SPATA13: variants seen among roughly 807,000 people sequenced by gnomAD.
SPATA13 encodes the protein spermatogenesis associated 13, also known as spermatogenesis-associated protein 13.
SPATA13 carries 50 observed loss-of-function variants against 104.0 expected under a neutral mutation model. That is an observed-to-expected ratio of 0.48 (90% CI 0.38 to 0.61). The LOEUF (loss-of-function observed/expected upper bound fraction) is 0.61, where lower values mean the gene tolerates loss of function less well. Among genes scored for constraint, SPATA13 ranks in the 20% least tolerant of loss-of-function variants. The pLI is 0.00. For synonymous variants in SPATA13, 606 were observed against 667.5 expected, an observed-to-expected ratio of 0.91 and a Z score of 1.42; for missense variants, 1,524 against 1,690.6, an observed-to-expected ratio of 0.90 and a Z score of 1.73.
At chr13:24,194,705 T>C (rs748710831) in intron 1 of SPATA13, among the ~76,000 whole-genome samples, 1 of 152,222 alleles carries the variant, frequency 6.6e-6, no homozygotes, top group Non-Finnish European at 1.5e-5. Flanking sequence ...GTTTATTCTA[T>C]GGCTGAATCA....
chr13:24,197,343 G>A (rs965930184), intron 1 of SPATA13, among the ~76,000 whole-genome samples: 1 of 152,212 alleles, frequency 6.6e-6, no homozygotes, highest in African/African-American at 2.4e-5. Context: ...CAGAATAAGT[G>A]TATCAAAGTA....
chr13:24,295,098 T>C (rs972841758), intron 10 of SPATA13, among the ~76,000 whole-genome samples: 1 of 152,188 alleles, frequency 6.6e-6, no homozygotes, highest in African/African-American at 2.4e-5. Flanking sequence ...CTGCAGTTAA[T>C]TTATTGCTGA....
At chr13:24,296,540 C>T (rs527607912) in intron 10 of SPATA13, among the ~76,000 whole-genome samples, 1 of 152,252 alleles carries the variant, frequency 6.6e-6, no homozygotes, top group African/African-American at 2.4e-5. Flanking sequence ...GTTTCTATGA[C>T]CCTGAACAAG....
At chr13:23,981,352 A>G (rs549766840) in intron 1 of SPATA13, among the ~76,000 whole-genome samples, 63 of 152,320 alleles carry the variant, frequency 4.1e-4, no homozygotes, top group African/African-American at 1.5e-3. Flanking sequence ...TATTTTACAA[A>G]TTATGTTATT....
intron 7 of SPATA13, among the ~76,000 whole-genome samples, chr13:24,287,390 T>C (rs922903195): frequency 1.1e-4 from 16 of 152,320 alleles, no homozygotes; most frequent in East Asian, 7.7e-4. Flanking sequence ...CACGAACTCA[T>C]GGACTGAAGC....
intron 9 of SPATA13, among the ~76,000 whole-genome samples, chr13:24,294,250 C>T (rs1186563278): frequency 6.6e-6 from 1 of 152,174 alleles, no homozygotes; most frequent in African/African-American, 2.4e-5. Context: ...TTCCGTAACT[C>T]ACCACTTCAG....
At chr13:24,290,923 C>T (rs1196926290) in intron 9 of SPATA13, 39 bp downstream of exon 9, 3 of 1,520,560 alleles carry the variant, frequency 2.0e-6, no homozygotes, top group Non-Finnish European at 2.7e-6. Flanking sequence ...GAGAGCACTG[C>T]TGCCATTACC....
intron 2 of SPATA13, among the ~76,000 whole-genome samples, chr13:23,997,346 C>G (rs74987271): frequency 6.6e-5 from 10 of 152,130 alleles, no homozygotes; most frequent in African/African-American, 2.2e-4. Context: ...GTGATCCGAC[C>G]GTCCCCATAC....
At chr13:24,106,039 C>T (rs1027770697) in intron 3 of SPATA13, among the ~76,000 whole-genome samples, 2 of 152,124 alleles carry the variant, frequency 1.3e-5, no homozygotes, top group African/African-American at 4.8e-5. Flanking sequence ...TACAGCAGCC[C>T]AAAGAAGATT....
chr13:24,006,182 A>C (rs1056392768), intron 2 of SPATA13, among the ~76,000 whole-genome samples: 6 of 152,194 alleles, frequency 3.9e-5, no homozygotes, highest in African/African-American at 1.4e-4. Flanking sequence ...CATATCCGGG[A>C]GGGTATAGAG....
intron 3 of SPATA13, among the ~76,000 whole-genome samples, chr13:24,066,911 A>T (rs1878986278): frequency 6.6e-6 from 1 of 152,164 alleles, no homozygotes; most frequent in Admixed American, 6.5e-5. Flanking sequence ...GGGAGGGGCA[A>T]ACCAAACCAA....
intron 2 of SPATA13, among the ~76,000 whole-genome samples, chr13:24,015,748 CA>C (rs56249473): frequency 0.95 from 143,902 of 151,642 alleles, 68,385 homozygotes; most frequent in South Asian, 0.99. Context: ...GGCCCCCCCC[CA>C]ATTCCTAGGT....
At chr13:24,083,621 G>A (rs978167358) in intron 3 of SPATA13, among the ~76,000 whole-genome samples, 5 of 152,170 alleles carry the variant, frequency 3.3e-5, no homozygotes, top group African/African-American at 9.7e-5. Flanking sequence ...CAGGTGTTGG[G>A]AGAGCTGGTT....
chr13:24,149,277 AG>A (rs1296010715), intron 3 of SPATA13, among the ~76,000 whole-genome samples: 1 of 152,230 alleles, frequency 6.6e-6, no homozygotes, highest in African/African-American at 2.4e-5. Context: ...CAACAACCCA[AG>A]AGAGAAGAGA....
intron 2 of SPATA13, chr13:24,224,788 C>T: frequency 1.5e-6 from 1 of 659,572 alleles, no homozygotes; most frequent in Non-Finnish European, 2.8e-6. Context: ...AATAAATTGA[C>T]AATGTACGAG....
intron 4 of SPATA13, among the ~76,000 whole-genome samples, chr13:24,282,527 C>T (rs1003882672): frequency 2.0e-5 from 3 of 152,222 alleles, no homozygotes; most frequent in South Asian, 2.1e-4. Context: ...TCTGTTGCTG[C>T]AGGCATGAGC....
chr13:24,068,340 A>G (rs764102149), intron 3 of SPATA13, among the ~76,000 whole-genome samples: 5 of 152,320 alleles, frequency 3.3e-5, no homozygotes, highest in Non-Finnish European at 7.3e-5. Flanking sequence ...TTGTGGTTGC[A>G]TAGTATTCCA....
intron 2 of SPATA13, among the ~76,000 whole-genome samples, chr13:23,987,073 G>A (rs183671618): frequency 0.017 from 1,321 of 79,722 alleles, 17 homozygotes; most frequent in South Asian, 0.048. Flanking sequence ...CTACCCCATA[G>A]GCAGTGGATT....
intron 3 of SPATA13, among the ~76,000 whole-genome samples, chr13:24,076,353 T>G (rs569870375): frequency 2.6e-5 from 4 of 152,182 alleles, no homozygotes; most frequent in Non-Finnish European, 1.5e-5. Flanking sequence ...AGTGACAGAC[T>G]AAGGGATGAT....
Sources: allele counts gnomAD v4.1 joint callset (sites outside exome capture counted in the v4.1 genomes callset), GRCh38; gene constraint gnomAD v4.1.1; transcripts MANE v1.5; gene names NCBI Gene and HGNC (gene_info 2026-07-23, HGNC 2026-07-21).